PDS5A: variants seen among roughly 807,000 people sequenced by gnomAD.
PDS5A encodes PDS5 cohesin associated factor A.
In PDS5A, 42 loss-of-function variants were observed where a neutral mutation model predicts 167.1. The observed-to-expected ratio is 0.25, with a 90% CI of 0.20 to 0.33. PDS5A has a LOEUF of 0.33. PDS5A is among the 10% of genes least tolerant of loss of function. PDS5A has a pLI of 1.00. For missense variants in PDS5A, 1,033 were observed against 1,605.9 expected (o/e 0.64, Z 6.10); for synonymous variants, 553 against 554.6 (o/e 1.00, Z 0.04).
chr4:39,868,317 C>T (rs1719729625), intron 22 of PDS5A, among the ~76,000 whole-genome samples: 1 of 151,452 alleles, frequency 6.6e-6, no homozygotes, highest in Non-Finnish European at 1.5e-5. Context: ...TGCACCACCA[C>T]ACCCGGCCAA....
intron 13 of PDS5A, among the ~76,000 whole-genome samples, chr4:39,900,731 A>G (rs1464482327): frequency 2.0e-5 from 3 of 152,242 alleles, no homozygotes; most frequent in Admixed American, 2.0e-4. Flanking sequence ...AGAAAGATTA[A>G]TAAGTAATAC....
rs181683380 is a variant in PDS5A, at chr4:39,925,652, C to T, written c.527+184G>A. Among the ~76,000 whole-genome samples, 11 of 152,218 alleles carry T rather than the reference C, an allele frequency of 7.2e-5. No individual in the cohort carries two copies. The East Asian group carries it at 2.1e-3, about 29-fold the overall frequency. On this transcript the variant is annotated intron_variant, in intron 5 of 32. Coordinates refer to ENST00000303538, the MANE Select transcript of PDS5A (RefSeq NM_001100399.2). ...TAAATTGGTACCATAATTTAAAATT[C>T]GTAGTATAAGGTCAAAGGCAGTGTT...
intron 31 of PDS5A, 96 bp downstream of exon 31, chr4:39,841,852 T>C (rs553449148): frequency 3.0e-6 from 2 of 673,394 alleles, no homozygotes; most frequent in South Asian, 1.8e-5. Flanking sequence ...AAATGTAGCA[T>C]GTGCATTGAA....
At chr4:39,928,228 T>G in intron 2 of PDS5A, 64 bp from the exon 3 acceptor site, 2 of 1,119,754 alleles carry the variant, frequency 1.8e-6, no homozygotes, top group Non-Finnish European at 2.6e-6. Flanking sequence ...GTGGAGGATG[T>G]GATTTAAAAA....
chr4:39,940,407 G>A (rs1365263208), intron 2 of PDS5A, among the ~76,000 whole-genome samples: 3 of 152,016 alleles, frequency 2.0e-5, no homozygotes, highest in Non-Finnish European at 2.9e-5. Context: ...TTCTTTATAC[G>A]TATATTCACT....
chr4:39,870,587 C>CAAAATAAAAT (rs57432451), intron 21 of PDS5A, among the ~76,000 whole-genome samples: 63 of 148,802 alleles, frequency 4.2e-4, no homozygotes, highest in African/African-American at 1.5e-3. Context: ...GACCATGTCT[C>CAAAATAAAAT]AAAATAAAAT....
At chr4:39,876,957 C>A in intron 19 of PDS5A, 36 bp downstream of exon 19, 1 of 1,516,242 alleles carries the variant, frequency 6.6e-7, no homozygotes, top group South Asian at 1.2e-5. Context: ...TACTTAGAAA[C>A]TTTTGTATTT....
intron 26 of PDS5A, among the ~76,000 whole-genome samples, chr4:39,850,314 C>T (rs928165144): frequency 6.7e-6 from 1 of 150,274 alleles, no homozygotes; most frequent in Non-Finnish European, 1.5e-5. Context: ...CTCGTGAGAC[C>T]CCATCTCTAC....
intron 2 of PDS5A, among the ~76,000 whole-genome samples, chr4:39,967,043 G>A (rs972504706): frequency 4.6e-5 from 7 of 151,890 alleles, no homozygotes; most frequent in East Asian, 3.9e-4. Context: ...GGTGGCTCAC[G>A]CCTGTAATCC....
Position 39,844,676 on chromosome 4 carries a change from A to G in PDS5A, c.3528T>C (p.Pro1176=). Residue 1176 remains proline, a synonymous_variant, in exon 30 of 33, where the codon CCT becomes CCC. Coordinates refer to ENST00000303538, the MANE Select transcript of PDS5A (RefSeq NM_001100399.2). ...SNINVNSELN[P]STGNRSREQS... ...GTTGCCTTGATCGATTTCCGGTTGA[A>G]GGGTTCAGCTCTGAATTTACATTAA... 1.9e-6 allele frequency: 3 copies of G among 1,607,622 alleles called. No individual in the cohort carries two copies. The highest frequency in any genetic ancestry group is 2.5e-6 in the Non-Finnish European group (3 of 1,178,284).
chr4:39,931,136 C>T (rs1391429464), intron 2 of PDS5A, among the ~76,000 whole-genome samples: 1 of 152,116 alleles, frequency 6.6e-6, no homozygotes, highest in Non-Finnish European at 1.5e-5. Context: ...GTCACCTAGG[C>T]TGGAGTACAG....
intron 21 of PDS5A, among the ~76,000 whole-genome samples, chr4:39,871,147 T>C (rs1719990928): frequency 6.6e-6 from 1 of 152,160 alleles, no homozygotes; most frequent in Non-Finnish European, 1.5e-5. Flanking sequence ...TGGAGAGTTG[T>C]TGCTTAATGG....
chr4:39,899,709 T>C (rs918949448), intron 14 of PDS5A, among the ~76,000 whole-genome samples: 95 of 151,510 alleles, frequency 6.3e-4, no homozygotes, highest in African/African-American at 2.2e-3. Context: ...CCTAGCTGGG[T>C]ATGGTGGAGC....
At chr4:39,853,643 C>T (rs1288484119) in intron 26 of PDS5A, among the ~76,000 whole-genome samples, 2 of 152,296 alleles carry the variant, frequency 1.3e-5, no homozygotes, top group East Asian at 1.9e-4. Flanking sequence ...TCCCACCACC[C>T]CATAAATTCT....
rs567920061 is a variant in PDS5A, at chr4:39,903,439, TTTAA to T, written c.1385+597_1385+600del. On this transcript the variant is annotated intron_variant, in intron 12 of 32. Transcript: ENST00000303538. Reference sequence around the variant, plus strand: ...TATCCAGTGATGCCAGAGAAGTTAGTTTAATTAAACAAAACAATGGAAACTATTC... The same window carrying T: ...TATCCAGTGATGCCAGAGAAGTTAGTTTAAACAAAACAATGGAAACTATTC... 8.1e-3 allele frequency among the ~76,000 whole-genome samples: 1,229 copies of T among 152,302 alleles called. 5 individuals carry two copies. Among genetic ancestry groups the T allele is most frequent in the Non-Finnish European group, 0.012 (785 of 68,016 alleles).
At chr4:39,926,370 T>A (rs954342999) in intron 4 of PDS5A, among the ~76,000 whole-genome samples, 1 of 151,912 alleles carries the variant, frequency 6.6e-6, no homozygotes, top group African/African-American at 2.4e-5. Flanking sequence ...AATACAAAAT[T>A]AGCCGTGCGT....
At chr4:39,885,246 T>TAA (rs34192127) in intron 17 of PDS5A, among the ~76,000 whole-genome samples, 194 of 110,292 alleles carry the variant, frequency 1.8e-3, no homozygotes, top group South Asian at 3.0e-3. Flanking sequence ...GATTCCTTCT[T>TAA]AAAAAAAAAA....
At position 39,879,769 on chromosome 4, in the gene PDS5A, T is replaced by A; in HGVS notation, c.1951A>T (p.Ser651Cys). ...GTADDEEEGV[S>C]PDTAIRSGLE... ...CCTGAACGGATAGCTGTATCTGGAC[T>A]TACACCCTCCTCTTCATCATCTGCT... Residue 651 changes from serine (S) to cysteine (C), a missense_variant, in exon 18 of 33, where the codon AGT becomes TGT. Around this residue, in one of 4 missense-constraint regions of PDS5A, gnomAD observed 367 missense variants for 686.7 expected, o/e 0.53. Coordinates refer to ENST00000303538, the MANE Select transcript of PDS5A (RefSeq NM_001100399.2). 6.2e-7 allele frequency: 1 copy of A among 1,612,160 alleles called. No individual in the cohort carries two copies. Among genetic ancestry groups the A allele is most frequent in the Non-Finnish European group, 8.5e-7 (1 of 1,178,326 alleles).
intron 19 of PDS5A, among the ~76,000 whole-genome samples, chr4:39,875,268 T>C (rs183983843): frequency 2.0e-5 from 3 of 152,276 alleles, no homozygotes; most frequent in African/African-American, 7.2e-5. Flanking sequence ...TATATGAACT[T>C]ATAAAAAATA....
Sources: gnomAD v4.1 joint callset for allele counts (sites outside exome capture counted in the v4.1 genomes callset) on GRCh38, gnomAD v4.1.1 for gene constraint, gnomAD v4.1.1 regional missense constraint, MANE v1.5 for transcripts, NCBI Gene and HGNC (gene_info 2026-07-23, HGNC 2026-07-21) for gene names.